OLFML1: variants seen among roughly 807,000 people sequenced by gnomAD.
OLFML1 encodes olfactomedin like 1, also known as olfactomedin-like protein 1.
In OLFML1, 33 loss-of-function variants were observed where a neutral mutation model predicts 37.3. The ratio of observed to expected loss-of-function variants is 0.88; its 90% confidence interval spans 0.67 to 1.18. The LOEUF is 1.18. Among genes scored for constraint, OLFML1 ranks in the 50% most tolerant of loss-of-function variants. The probability of loss-of-function intolerance (pLI) is 0.00; values close to 1 mark genes in which losing one functional copy is unlikely to be tolerated. For missense variants in OLFML1, 545 were observed against 483.7 expected, an observed-to-expected ratio of 1.13 and a Z score of -1.19; for synonymous variants, 186 against 181.3, an observed-to-expected ratio of 1.03 and a Z score of -0.21.
chr11:7,498,850 T>C (rs909316171), intron 2 of OLFML1, among the ~76,000 whole-genome samples: 1 of 152,214 alleles, frequency 6.6e-6, no homozygotes. Flanking sequence ...GTTCCCTCAA[T>C]TGAATCAGTT....
At chr11:7,508,986 G>C (rs997050405) in intron 2 of OLFML1, among the ~76,000 whole-genome samples, 1 of 152,150 alleles carries the variant, frequency 6.6e-6, no homozygotes, top group Non-Finnish European at 1.5e-5. Flanking sequence ...GTAAAATGCT[G>C]CCTCTTAGAA....
intron 2 of OLFML1, among the ~76,000 whole-genome samples, chr11:7,500,292 G>A (rs1488643922): frequency 6.6e-6 from 1 of 152,230 alleles, no homozygotes; most frequent in Admixed American, 6.5e-5. Flanking sequence ...CAAGCCTGCT[G>A]GCTTTTCTTC....
chr11:7,507,702 C>T (rs1848802092), intron 2 of OLFML1, among the ~76,000 whole-genome samples: 1 of 152,116 alleles, frequency 6.6e-6, no homozygotes, highest in African/African-American at 2.4e-5. Flanking sequence ...GCATGTGCTA[C>T]CACACCCAGC....
intron 2 of OLFML1, among the ~76,000 whole-genome samples, chr11:7,489,293 C>T (rs1447660743): frequency 6.6e-6 from 1 of 152,088 alleles, no homozygotes; most frequent in Non-Finnish European, 1.5e-5. Flanking sequence ...AATGAGGTGA[C>T]ACTTGGTCTC....
At chr11:7,493,211 A>C (rs913322609) in intron 2 of OLFML1, among the ~76,000 whole-genome samples, 7 of 152,230 alleles carry the variant, frequency 4.6e-5, no homozygotes, top group African/African-American at 1.7e-4. Context: ...TAAATAACTC[A>C]TATCTTTTGT....
At chr11:7,507,384 C>T (rs1199664075) in intron 2 of OLFML1, among the ~76,000 whole-genome samples, 1 of 152,146 alleles carries the variant, frequency 6.6e-6, no homozygotes, top group African/African-American at 2.4e-5. Flanking sequence ...GCCTTTACTT[C>T]ACTCCTGCTC....
Position 7,485,886 on chromosome 11 carries a change from C to A in OLFML1, c.11C>A (p.Ala4Asp). Residue 4 changes from alanine to aspartate, a missense_variant, in exon 1 of 3, where the codon GCC becomes GAC. Coordinates refer to ENST00000329293, the MANE Select transcript of OLFML1 (RefSeq NM_198474.4). The stretch of plus-strand genomic sequence containing the variant: ...TTGGTGTTTTGCAGGATGATGGTGG[C>A]CCTTCGAGGAGCTTCTGCATTGCTG... MMVALRGASALLVL... is the reference protein window; with the variant it reads MMVDLRGASALLVL... The A allele has an allele frequency of 6.2e-7, 1 of 1,613,312 alleles. No homozygotes were observed.
chr11:7,499,002 A>G (rs1451357983), intron 2 of OLFML1, among the ~76,000 whole-genome samples: 1 of 152,204 alleles, frequency 6.6e-6, no homozygotes, highest in Non-Finnish European at 1.5e-5. Context: ...CAGCAGCCAG[A>G]CCAATGTTTC....
chr11:7,509,034 T>C (rs1163633603), intron 2 of OLFML1, among the ~76,000 whole-genome samples: 1 of 152,254 alleles, frequency 6.6e-6, no homozygotes, highest in African/African-American at 2.4e-5. Context: ...TATTTATTTA[T>C]TCTTTCATTC....
At chr11:7,507,156 AGGTGGGAAGAAT>A (rs1442674285) in intron 2 of OLFML1, among the ~76,000 whole-genome samples, 2 of 152,194 alleles carry the variant, frequency 1.3e-5, no homozygotes, top group Non-Finnish European at 2.9e-5. Flanking sequence ...TTTTTGCTGT[AGGTGGGAAGAAT>A]AGTAGCCTGA....
chr11:7,491,428 T>G (rs545156627), intron 2 of OLFML1, among the ~76,000 whole-genome samples: 1 of 152,304 alleles, frequency 6.6e-6, no homozygotes, highest in South Asian at 2.1e-4. Context: ...AGAAATTGTT[T>G]ACAGAAGAAA....
chr11:7,509,045 G>A (rs754802240), intron 2 of OLFML1, among the ~76,000 whole-genome samples: 2 of 152,110 alleles, frequency 1.3e-5, no homozygotes, highest in South Asian at 2.1e-4. Flanking sequence ...TCTTTCATTC[G>A]TTGAGTCATA....
At chr11:7,501,074 T>A (rs1201667871) in intron 2 of OLFML1, among the ~76,000 whole-genome samples, 1 of 152,092 alleles carries the variant, frequency 6.6e-6, no homozygotes, top group Non-Finnish European at 1.5e-5. Flanking sequence ...TCTTACCCCA[T>A]AAAAGTCCTC....
At chr11:7,502,122 A>C (rs1274586459) in intron 2 of OLFML1, among the ~76,000 whole-genome samples, 1 of 152,232 alleles carries the variant, frequency 6.6e-6, no homozygotes, top group Non-Finnish European at 1.5e-5. Context: ...TTGAAGGCTA[A>C]ATAGGAGCTA....
At chr11:7,492,645 C>A (rs1044473670) in intron 2 of OLFML1, among the ~76,000 whole-genome samples, 1 of 152,106 alleles carries the variant, frequency 6.6e-6, no homozygotes, top group Admixed American at 6.6e-5. Context: ...CAGAGATTAT[C>A]CCCAAATGAC....
At position 7,485,909 on chromosome 11, in the gene OLFML1, C is replaced by T; in HGVS notation, c.34C>T (p.Leu12=). The T allele has an allele frequency of 6.2e-7, 1 of 1,613,930 alleles. No homozygotes were observed. Among genetic ancestry groups the T allele is most frequent in the Non-Finnish European group, 8.5e-7 (1 of 1,179,936 alleles). ...GGCCCTTCGAGGAGCTTCTGCATTG[C>T]TGGTTCTGTTCCTTGCAGCTTTTCT... ...MVALRGASAL[L]VLFLAAFLPP... is the part of the protein sequence containing the mutation. The change falls in exon 1 of 3, where the codon CTG becomes TTG. Residue 12 remains leucine (L), a synonymous_variant. Transcript: ENST00000329293.
At chr11:7,497,378 C>T (rs1162006975) in intron 2 of OLFML1, among the ~76,000 whole-genome samples, 2 of 152,040 alleles carry the variant, frequency 1.3e-5, no homozygotes, top group Non-Finnish European at 2.9e-5. Context: ...AATATGTTAG[C>T]AGATAAATGT....
intron 2 of OLFML1, among the ~76,000 whole-genome samples, chr11:7,498,313 A>C (rs1336249505): frequency 6.6e-6 from 1 of 152,220 alleles, no homozygotes; most frequent in East Asian, 1.9e-4. Flanking sequence ...ATCCCGAGTT[A>C]GCAAAGGAGA....
At chr11:7,489,760 G>C (rs1048226167) in intron 2 of OLFML1, among the ~76,000 whole-genome samples, 80 of 152,298 alleles carry the variant, frequency 5.3e-4, no homozygotes, top group African/African-American at 1.9e-3. Context: ...TGATGAGTGA[G>C]AGAGATGAGT....
Sources: gnomAD v4.1 joint callset for allele counts (sites outside exome capture counted in the v4.1 genomes callset) on GRCh38, gnomAD v4.1.1 for gene constraint, MANE v1.5 for transcripts, NCBI Gene and HGNC (gene_info 2026-07-23, HGNC 2026-07-21) for gene names.